RSPO2: variants seen among roughly 807,000 people sequenced by gnomAD.
RSPO2 encodes R-spondin 2.
In RSPO2, 14 loss-of-function variants were observed where a neutral mutation model predicts 30.9. The observed-to-expected ratio is 0.45, with a 90% confidence interval of 0.30 to 0.71. The LOEUF (loss-of-function observed/expected upper bound fraction) is 0.71, where lower values mean the gene tolerates loss of function less well. Ranked by LOEUF, RSPO2 falls within the 30% of genes least tolerant of loss-of-function variation. RSPO2 has a pLI of 0.08. For missense variants in RSPO2, 264 were observed against 301.9 expected (o/e 0.87, Z 0.93); for synonymous variants, 107 against 96.4 (o/e 1.11, Z -0.64).
At position 107,927,024 on chromosome 8, in the gene RSPO2, A is replaced by G. The variant is rs571717097; in HGVS notation, c.617-25834T>C. 1.9e-3 allele frequency among the ~76,000 whole-genome samples: 282 copies of G among 152,270 alleles called. 1 individual carries two copies. The highest frequency in any genetic ancestry group is 6.1e-3 in the African/African-American group (255 of 41,558). On this transcript the variant is annotated intron_variant, in intron 5 of 5. Coordinates refer to ENST00000276659, the MANE Select transcript of RSPO2 (RefSeq NM_178565.5). ...TTCACGATATTGATTCTTCCTATCC[A>G]TGAGCATGGAATGTTCTTCCATTTG...
At chr8:107,963,040 A>C (rs754970872) in intron 3 of RSPO2, among the ~76,000 whole-genome samples, 1 of 152,180 alleles carries the variant, frequency 6.6e-6, no homozygotes, top group Non-Finnish European at 1.5e-5. Flanking sequence ...GGAATTGCTG[A>C]AATACCTATC....
chr8:108,059,769 A>G (rs1812387928), intron 2 of RSPO2, among the ~76,000 whole-genome samples: 1 of 148,128 alleles, frequency 6.8e-6, no homozygotes. Context: ...ACCAAACACC[A>G]CACATTCTCA....
intron 2 of RSPO2, among the ~76,000 whole-genome samples, chr8:107,991,629 A>G (rs1427542944): frequency 1.3e-5 from 2 of 152,206 alleles, no homozygotes; most frequent in African/African-American, 4.8e-5. Context: ...AATGGGAGAA[A>G]ATATTTGCAA....
chr8:108,045,793 GA>G (rs1811892313), intron 2 of RSPO2, among the ~76,000 whole-genome samples: 1 of 152,090 alleles, frequency 6.6e-6, no homozygotes, highest in African/African-American at 2.4e-5. Flanking sequence ...TGTTGCAGGG[GA>G]AAACATGTGA....
At chr8:108,046,640 CA>C (rs896459591) in intron 2 of RSPO2, among the ~76,000 whole-genome samples, 23 of 151,746 alleles carry the variant, frequency 1.5e-4, no homozygotes, top group African/African-American at 5.3e-4. Flanking sequence ...AACAAACAAA[CA>C]AAAAAAACTG....
chr8:107,913,575 T>A (rs1811887858), intron 5 of RSPO2, among the ~76,000 whole-genome samples: 1 of 152,178 alleles, frequency 6.6e-6, no homozygotes, highest in Non-Finnish European at 1.5e-5. Flanking sequence ...GAGAAGGAAC[T>A]CTAACATGTT....
intron 2 of RSPO2, 140 bp downstream of exon 2, chr8:108,082,405 G>T (rs1813232282): frequency 1.6e-6 from 1 of 640,508 alleles, no homozygotes; most frequent in Non-Finnish European, 2.7e-6. Flanking sequence ...GGGTCCTAAA[G>T]GTGGGGACTG....
intron 3 of RSPO2, among the ~76,000 whole-genome samples, chr8:107,966,318 G>A (rs1813803402): frequency 6.6e-6 from 1 of 152,074 alleles, no homozygotes. Flanking sequence ...CAACCATCCT[G>A]ACAGGTACAT....
At chr8:108,066,834 TTGG>T (rs1270296513) in intron 2 of RSPO2, among the ~76,000 whole-genome samples, 1 of 152,284 alleles carries the variant, frequency 6.6e-6, no homozygotes, top group East Asian at 1.9e-4. Context: ...TGGAGGGTGA[TTGG>T]GCTGGTACCA....
intron 5 of RSPO2, among the ~76,000 whole-genome samples, chr8:107,915,056 G>A (rs1811937912): frequency 6.6e-6 from 1 of 152,108 alleles, no homozygotes; most frequent in African/African-American, 2.4e-5. Flanking sequence ...TGGAGACTAT[G>A]CACAATTTCC....
intron 2 of RSPO2, among the ~76,000 whole-genome samples, chr8:108,029,923 CCTTGTA>C (rs1382289229): frequency 6.6e-6 from 1 of 151,956 alleles, no homozygotes. Context: ...TAGTCCTTGT[CCTTGTA>C]AAGTTCAGAA....
chr8:108,003,772 AT>A (rs1319083680), intron 2 of RSPO2, among the ~76,000 whole-genome samples: 1 of 152,156 alleles, frequency 6.6e-6, no homozygotes, highest in Non-Finnish European at 1.5e-5. Flanking sequence ...TATAATTTTC[AT>A]TTATCAAAGT....
At chr8:108,061,512 C>T (rs1468654733) in intron 2 of RSPO2, among the ~76,000 whole-genome samples, 3 of 151,728 alleles carry the variant, frequency 2.0e-5, no homozygotes, top group African/African-American at 4.9e-5. Context: ...GCACCCAATA[C>T]GGGAGCACCC....
intron 3 of RSPO2, among the ~76,000 whole-genome samples, chr8:107,984,577 C>T (rs1814562690): frequency 1.3e-5 from 2 of 152,074 alleles, no homozygotes; most frequent in Non-Finnish European, 2.9e-5. Context: ...AATTATTATG[C>T]TTTTTTAAAC....
intron 5 of RSPO2, among the ~76,000 whole-genome samples, chr8:107,936,731 A>G (rs1021914661): frequency 1.4e-4 from 21 of 152,102 alleles, no homozygotes; most frequent in African/African-American, 5.1e-4. Flanking sequence ...GTACAAGTAC[A>G]GGTCTGATTT....
At chr8:107,924,327 G>T (rs1432352913) in intron 5 of RSPO2, among the ~76,000 whole-genome samples, 3 of 152,140 alleles carry the variant, frequency 2.0e-5, no homozygotes, top group Admixed American at 2.0e-4. Flanking sequence ...AATAAAAAAT[G>T]TCTAATTTTG....
intron 2 of RSPO2, among the ~76,000 whole-genome samples, chr8:108,065,516 A>G (rs1461774466): frequency 6.6e-6 from 1 of 152,130 alleles, no homozygotes; most frequent in Admixed American, 6.5e-5. Flanking sequence ...TGTTAAATGT[A>G]CATATTATGG....
intron 2 of RSPO2, among the ~76,000 whole-genome samples, chr8:108,076,191 A>T (rs907583405): frequency 1.3e-5 from 2 of 152,238 alleles, no homozygotes; most frequent in African/African-American, 2.4e-5. Flanking sequence ...AAATGAAGTT[A>T]TCTGGGATAG....
At chr8:107,983,917 A>C (rs1280911961) in intron 3 of RSPO2, 1 of 1,230,892 alleles carries the variant, frequency 8.1e-7, no homozygotes, top group East Asian at 2.3e-5. Flanking sequence ...CATCTACAGA[A>C]CTTCCTCTTA....
Sources: gnomAD v4.1 joint callset for allele counts (sites outside exome capture counted in the v4.1 genomes callset) on GRCh38, gnomAD v4.1.1 for gene constraint, MANE v1.5 for transcripts, NCBI Gene and HGNC (gene_info 2026-07-23, HGNC 2026-07-21) for gene names.